Variants in SPEG observed in about 807,000 individuals in gnomAD.
The protein encoded by SPEG is striated muscle preferentially expressed protein kinase.
Under a neutral mutation model 300.4 loss-of-function variants are expected in SPEG, and 114 were observed. The ratio of observed to expected loss-of-function variants is 0.38; its 90% CI spans 0.33 to 0.44. SPEG has a LOEUF of 0.44. Among genes scored for constraint, SPEG ranks in the 20% least tolerant of loss-of-function variants. The pLI, the probability that SPEG is intolerant of heterozygous loss-of-function variation, is 1.00. For synonymous variants in SPEG, 1,964 were observed against 2,018.9 expected, an observed-to-expected ratio of 0.97 and a Z score of 0.73; for missense variants, 4,201 against 4,586.2, an observed-to-expected ratio of 0.92 and a Z score of 2.43.
In SPEG at chr2:219,448,635, C is replaced by A. The variant is rs1236668492; in HGVS notation, c.1477C>A (p.Arg493Ser). Reference sequence around the variant, plus strand: ...CAGCCCGGCCTCAGACCTCGAGCTGCGCTTCGCCCAGGAGCTGGGCCGCAT... The same window carrying A: ...CAGCCCGGCCTCAGACCTCGAGCTGAGCTTCGCCCAGGAGCTGGGCCGCAT... The part of the protein sequence containing the change: ...QRSPASDLEL[R>S]FAQELGRIRR... The change falls in exon 4 of 41, where the codon CGC (arginine) becomes AGC (serine). Residue 493 changes from arginine to serine, a missense_variant. Arg to Ser is a moderately radical substitution (Grantham distance 110). This residue lies in a region of SPEG where 1,258 missense variants were observed against 1,293.9 expected (regional missense o/e 0.97). Coordinates refer to ENST00000312358, the MANE Select transcript of SPEG (RefSeq NM_005876.5). 10 of 1,484,184 alleles carry A rather than the reference C, an allele frequency of 6.7e-6. No individual in the cohort carries two copies. Among genetic ancestry groups the A allele is most frequent in the Non-Finnish European group, 8.0e-6 (9 of 1,125,410 alleles). 91.9% of individuals were successfully genotyped at this position (1,484,184 alleles called of 1,614,324 possible).
At position 219,489,213 on chromosome 2, in the gene SPEG, G is replaced by T. The variant is rs763023950; in HGVS notation, c.8309G>T (p.Gly2770Val). Residue 2770 changes from glycine to valine, a missense_variant, in exon 35 of 41, where the codon GGT becomes GTT. Around this residue, in one of 4 missense-constraint regions of SPEG, gnomAD observed 1,578 missense variants for 1,506.0 expected, o/e 1.05. Coordinates refer to ENST00000312358, the MANE Select transcript of SPEG (RefSeq NM_005876.5). ...SNSSEKVFVRGTQDSSAVPSA... is the reference protein window; with the variant it reads ...SNSSEKVFVRVTQDSSAVPSA... The stretch of plus-strand genomic sequence containing the variant: ...TCTTCTGAGAAGGTCTTTGTCAGGG[G>T]TACTCAAGGTCAGTGCAATGGTATG... 6.2e-7 allele frequency: 1 copy of T among 1,613,786 alleles called. No individual in the cohort carries two copies. Among genetic ancestry groups the T allele is most frequent in the Non-Finnish European group, 8.5e-7 (1 of 1,179,932 alleles).
chr2:219,434,895 G>C lies in SPEG; in HGVS notation c.-83G>C. The C allele has an allele frequency of 9.9e-7, 1 of 1,006,728 alleles. No individual in the cohort carries two copies. Among genetic ancestry groups the C allele is most frequent in the Non-Finnish European group, 1.4e-6 (1 of 723,856 alleles). 62.4% of individuals were successfully genotyped at this position (1,006,728 alleles called of 1,614,324 possible). ...AGGAAGGCAGGCCGCCGGCCCCCCA[G>C]ACTTGTCTCCTAGGGCACCGTCCCG... On this transcript the variant is annotated 5_prime_UTR_variant, in exon 1 of 41. Transcript: ENST00000312358.
chr2:219,454,304 C>T (rs1690005409), intron 6 of SPEG, among the ~76,000 whole-genome samples: 1 of 152,194 alleles, frequency 6.6e-6, no homozygotes, highest in Non-Finnish European at 1.5e-5. Flanking sequence ...CCCCTGGTCC[C>T]TCCCACCCTT....
rs773364090 is a variant in SPEG at position 219,490,526 on chromosome 2, G to A, written c.9039G>A (p.Val3013=). The change falls in exon 37 of 41, where the codon GTG becomes GTA. Residue 3013 remains valine (V), a synonymous_variant. Coordinates refer to ENST00000312358, the MANE Select transcript of SPEG (RefSeq NM_005876.5). Reference sequence around the variant, plus strand: ...GGCGGGTCCTGCAGGAGTACGAGGTGCTGCGGACCCTGCACCACGAGCGGA... The same window carrying A: ...GGCGGGTCCTGCAGGAGTACGAGGTACTGCGGACCCTGCACCACGAGCGGA... The part of the protein sequence containing the change: ...GKRRVLQEYE[V]LRTLHHERIM... The A allele has an allele frequency of 3.7e-6, 6 of 1,613,040 alleles. No individual in the cohort carries two copies. Among genetic ancestry groups the A allele is most frequent in the Non-Finnish European group, 5.1e-6 (6 of 1,180,006 alleles).
Position 219,467,394 on chromosome 2 carries a change from C to A in SPEG, c.3102C>A (p.Asp1034Glu). Reference protein sequence around the residue: ...CKLLLTSVHEDDSGVYTCKLS... With the variant: ...CKLLLTSVHEEDSGVYTCKLS... ...TGCTACTTACATCTGTACATGAGGA[C>A]GACAGTGGCGTCTACACCTGCAAGC... The change falls in exon 10 of 41, where the codon GAC becomes GAA. Residue 1034 changes from aspartate to glutamate, a missense_variant. Transcript: ENST00000312358. 6.2e-7 allele frequency: 1 copy of A among 1,611,624 alleles called. No individual in the cohort carries two copies.
chr2:219,473,579 G>A lies in SPEG; in HGVS notation c.4223G>A (p.Ser1408Asn). ...TATGTGGTGGAGGGACAGCCTGCCA[G>A]CGTCACCGTCACATTCAACCATGTG... ...IVYVVEGQPASVTVTFNHVEA... is the reference protein window; with the variant it reads ...IVYVVEGQPANVTVTFNHVEA... Residue 1408 changes from serine to asparagine, a missense_variant, in exon 17 of 41, where the codon AGC becomes AAC. Ser to Asn is a conservative substitution (Grantham distance 46, BLOSUM62 1). This residue lies in a region of SPEG where 1,047 missense variants were observed against 1,356.8 expected (regional missense o/e 0.77). Coordinates refer to ENST00000312358, the MANE Select transcript of SPEG (RefSeq NM_005876.5). This position sits in a 1 kb window ranked among gnomAD's most constrained non-coding sequence, Gnocchi z 4.6. 1 of 1,614,212 alleles carries A rather than the reference G, an allele frequency of 6.2e-7. No homozygotes were observed. The highest frequency in any genetic ancestry group is 8.5e-7 in the Non-Finnish European group (1 of 1,180,044).
chr2:219,473,993 C>T lies in SPEG; in HGVS notation c.4447+90C>T. On this transcript the variant is annotated intron_variant, in intron 18 of 40. Transcript: ENST00000312358. The surrounding 1 kb of genome is among the most constrained non-coding windows in gnomAD (Gnocchi z 4.6). ...CAGGTACACAACCTGCCTGACACTG[C>T]TGCAGATCCAAACCCATGTCCTCTG... is the stretch of plus-strand genomic sequence containing the variant. 1.4e-6 allele frequency: 2 copies of T among 1,385,356 alleles called. No individual in the cohort carries two copies. The highest frequency in any genetic ancestry group is 2.0e-6 in the Non-Finnish European group (2 of 1,021,158). The allele number at this position is 1,385,356 out of a possible 1,614,324, so 85.8% of individuals were successfully genotyped here.
chr2:219,488,666 G>A lies in SPEG; in HGVS notation c.8026+1G>A, dbSNP rs370534000. The A allele has an allele frequency of 3.1e-6, 5 of 1,600,404 alleles. No homozygotes were observed. Among genetic ancestry groups the A allele is most frequent in the Non-Finnish European group, 3.4e-6 (4 of 1,172,266 alleles). On this transcript the variant is annotated splice_donor_variant, in intron 33 of 40. Transcript: ENST00000312358. LOFTEE classifies it high-confidence loss of function. Reference sequence around the variant, plus strand: ...AGCTCCTGTACCGTGGCTGTGGCCCGTGAGCCTGGGGCAGGGCCCCAGGGG... The same window carrying A: ...AGCTCCTGTACCGTGGCTGTGGCCCATGAGCCTGGGGCAGGGCCCCAGGGG...
chr2:219,468,742 G>A lies in SPEG; in HGVS notation c.3301+6G>A. ...TGTTACCTGGACTCATTTTGGTACG[G>A]CCCCTGTGCTGCAGGTGTTGAGGGC... is the stretch of plus-strand genomic sequence containing the variant. On this transcript the variant is annotated splice_donor_region_variant and intron_variant, in intron 11 of 40. Transcript: ENST00000312358. 6.2e-7 allele frequency: 1 copy of A among 1,613,846 alleles called. No individual in the cohort carries two copies. Among genetic ancestry groups the A allele is most frequent in the Non-Finnish European group, 8.5e-7 (1 of 1,179,824 alleles).
In SPEG at chr2:219,484,572, A is replaced by T; in HGVS notation, c.7109A>T (p.Asp2370Val). 4 of 1,584,690 alleles carry T rather than the reference A, an allele frequency of 2.5e-6. No homozygotes were observed. Among genetic ancestry groups the T allele is most frequent in the Non-Finnish European group, 3.4e-6 (4 of 1,169,940 alleles). The change falls in exon 30 of 41, where the codon GAT becomes GTT. Residue 2370 changes from aspartate (D) to valine (V), a missense_variant. This residue lies in a region of SPEG where 1,578 missense variants were observed against 1,506.0 expected (regional missense o/e 1.05). Coordinates refer to ENST00000312358, the MANE Select transcript of SPEG (RefSeq NM_005876.5). ...CCCTTCCGTGGGGCCGAGGAGGAGG[A>T]TGGCATATACCGGCCCAGCCCGGCG... ...RGPFRGAEEE[D>V]GIYRPSPAGT...
intron 3 of SPEG, among the ~76,000 whole-genome samples, chr2:219,447,500 G>T (rs1689395771): frequency 6.6e-6 from 1 of 152,120 alleles, no homozygotes; most frequent in South Asian, 2.1e-4. Context: ...CCACTAGGAA[G>T]GGGTGTGCCC....
rs1302333196 is a variant in SPEG, at chr2:219,459,885, G to C, written c.2441-1997G>C. Among the ~76,000 whole-genome samples, 5 of 152,202 alleles carry C rather than the reference G, an allele frequency of 3.3e-5. No individual in the cohort carries two copies. ...GGCCCCCAGCCCTCCTTCCTTACTG[G>C]CCATGCTGGGAAACACAGGTCATGG... On this transcript the variant is annotated intron_variant, in intron 6 of 40. Coordinates refer to ENST00000312358, the MANE Select transcript of SPEG (RefSeq NM_005876.5). This position sits in a 1 kb window ranked among gnomAD's most constrained non-coding sequence, Gnocchi z 4.9.
rs750087531 is a variant in SPEG at position 219,480,706 on chromosome 2, C to T, written c.5369+9C>T. The T allele has an allele frequency of 6.2e-7, 1 of 1,613,546 alleles. No homozygotes were observed. Among genetic ancestry groups the T allele is most frequent in the Non-Finnish European group, 8.5e-7 (1 of 1,179,570 alleles). ...GTTGTTGCCTTCCTCTGGTAAGGAC[C>T]CCTCTGCAATGTCCCAGCAGTCTCC... On this transcript the variant is annotated intron_variant, in intron 26 of 40. Coordinates refer to ENST00000312358, the MANE Select transcript of SPEG (RefSeq NM_005876.5). This position sits in a 1 kb window ranked among gnomAD's most constrained non-coding sequence, Gnocchi z 5.3.
chr2:219,458,127 G>T lies in SPEG; in HGVS notation c.2441-3755G>T, dbSNP rs914904500. Among the ~76,000 whole-genome samples the T allele has an allele frequency of 6.6e-6, 1 of 152,162 alleles. No individual in the cohort carries two copies. The highest frequency in any genetic ancestry group is 6.5e-5 in the Admixed American group (1 of 15,278). On this transcript the variant is annotated intron_variant, in intron 6 of 40. Transcript: ENST00000312358. This position sits in a 1 kb window ranked among gnomAD's most constrained non-coding sequence, Gnocchi z 4.2. ...TTAGCACTGGCAGCTGTGCCTGGGG[G>T]CCCTCCTGGACAGTTAGGGGCTGTG...
chr2:219,436,348 T>G (rs979252633), intron 1 of SPEG, among the ~76,000 whole-genome samples: 1 of 152,246 alleles, frequency 6.6e-6, no homozygotes, highest in Non-Finnish European at 1.5e-5. Context: ...TCCTCAGTCC[T>G]TGAGTAAGCC....
At position 219,443,023 on chromosome 2, in the gene SPEG, T is replaced by C; in HGVS notation, c.389-1630T>C. 9.1e-7 allele frequency: 1 copy of C among 1,102,878 alleles called. No individual in the cohort carries two copies. The highest frequency in any genetic ancestry group is 1.3e-6 in the Non-Finnish European group (1 of 743,770). The allele number at this position is 1,102,878 out of a possible 1,614,324, so 68.3% of individuals were successfully genotyped here. ...ACTGGCCAGGGAATGAGTTTCTGCT[T>C]GATGTTGCAGGTCTGGATGGGAGGC... On this transcript the variant is annotated intron_variant, in intron 1 of 40. Coordinates refer to ENST00000312358, the MANE Select transcript of SPEG (RefSeq NM_005876.5). The surrounding 1 kb of genome is among the most constrained non-coding windows in gnomAD (Gnocchi z 4.6).
chr2:219,484,093 T>G lies in SPEG; in HGVS notation c.6630T>G (p.Pro2210=). ...SDAPQPPAPQ[P]AQDKAPEPRP... ...CTCCGCAGCCCCCCGCACCCCAGCC[T>G]GCCCAAGACAAGGCTCCAGAGCCCA... Residue 2210 remains proline (P), a synonymous_variant, in exon 30 of 41, where the codon CCT becomes CCG. Transcript: ENST00000312358. The G allele has an allele frequency of 6.2e-7, 1 of 1,613,290 alleles. No homozygotes were observed. The highest frequency in any genetic ancestry group is 1.1e-5 in the South Asian group (1 of 91,038).
Position 219,451,884 on chromosome 2 carries a change from C to T in SPEG, c.2440+77C>T. 7.2e-7 allele frequency: 1 copy of T among 1,386,604 alleles called. No individual in the cohort carries two copies. Among genetic ancestry groups the T allele is most frequent in the Admixed American group, 2.6e-5 (1 of 38,104 alleles). 85.9% of individuals were successfully genotyped at this position (1,386,604 alleles called of 1,614,324 possible). A position where few individuals can be genotyped will look rare whatever the true frequency, so the allele number is the denominator to read the frequency against. On this transcript the variant is annotated intron_variant, in intron 6 of 40. Transcript: ENST00000312358. This position sits in a 1 kb window ranked among gnomAD's most constrained non-coding sequence, Gnocchi z 6.4. The stretch of plus-strand genomic sequence containing the variant: ...CCTGGCCCAGGCCCCAGTCCACCTC[C>T]CTTCCCACTCTCAGCCTTGAGCTTG...
chr2:219,477,028 C>T lies in SPEG; in HGVS notation c.4560+46C>T, dbSNP rs1174440254. The T allele has an allele frequency of 1.3e-6, 2 of 1,505,634 alleles. No individual in the cohort carries two copies. The highest frequency in any genetic ancestry group is 2.3e-5 in the East Asian group (1 of 44,150). 93.3% of individuals were successfully genotyped at this position (1,505,634 alleles called of 1,614,324 possible). On this transcript the variant is annotated intron_variant, in intron 19 of 40. Coordinates refer to ENST00000312358, the MANE Select transcript of SPEG (RefSeq NM_005876.5). The surrounding 1 kb of genome is among the most constrained non-coding windows in gnomAD (Gnocchi z 6.4). ...GAGCCTGGGGGAGGGAGGAGGGGCT[C>T]CCTGGGGGCGTGGGAGGGTCCTGGA...
Sources: gnomAD v4.1 joint callset for allele counts (sites outside exome capture counted in the v4.1 genomes callset) on GRCh38, gnomAD v4.1.1 for gene constraint, gnomAD v4.1.1 regional missense constraint, Gnocchi (gnomAD v3.1) non-coding constraint, MANE v1.5 for transcripts, NCBI Gene and HGNC (gene_info 2026-07-23, HGNC 2026-07-21) for gene names.